The following COL14A1 variants were observed in gnomAD, a reference collection of about 807,000 sequenced individuals.
COL14A1 encodes the protein collagen alpha-1(XIV) chain.
Under a neutral mutation model 230.3 loss-of-function variants are expected in COL14A1, and 136 were observed. The observed-to-expected ratio is 0.59, with a 90% CI of 0.51 to 0.68. The LOEUF is 0.68. Among genes scored for constraint, COL14A1 ranks in the 30% least tolerant of loss-of-function variants. The pLI is 0.00. For synonymous variants in COL14A1, 792 were observed against 784.1 expected, an observed-to-expected ratio of 1.01 and a Z score of -0.17; for missense variants, 1,976 against 2,215.8, an observed-to-expected ratio of 0.89 and a Z score of 2.17.
intron 36 of COL14A1, among the ~76,000 whole-genome samples, chr8:120,302,381 A>G (rs1210464384): frequency 6.6e-6 from 1 of 152,084 alleles, no homozygotes; most frequent in African/African-American, 2.4e-5. Context: ...TGGATTTTAC[A>G]TTTAAGTCTT....
intron 6 of COL14A1, 107 bp downstream of exon 6, chr8:120,197,053 A>G (rs1817060874): frequency 8.4e-6 from 9 of 1,065,228 alleles, no homozygotes; most frequent in Non-Finnish European, 1.1e-5. Flanking sequence ...TCAGGATTGC[A>G]GGATACTCAT....
intron 8 of COL14A1, among the ~76,000 whole-genome samples, chr8:120,203,355 G>C (rs879803099): frequency 4.6e-3 from 155 of 33,678 alleles, no homozygotes; most frequent in Middle Eastern, 0.036. Flanking sequence ...GATGGGGGTG[G>C]GGGGGGGTCC....
Position 120,209,304 on chromosome 8 carries a change from T to A in COL14A1, c.1322-452T>A, listed in dbSNP as rs370589022. 3.4e-4 allele frequency among the ~76,000 whole-genome samples: 51 copies of A among 151,910 alleles called. No homozygotes were observed. The East Asian group carries it at 4.1e-3, about 12-fold the overall frequency. On this transcript the variant is annotated intron_variant, in intron 11 of 47. Coordinates refer to ENST00000297848, the MANE Select transcript of COL14A1 (RefSeq NM_021110.4). ...ATTGCTTGAGCCCGGGAGGTAGAGG[T>A]TGCAGCTAAGATTGCACCACTGCAC...
In COL14A1 at chr8:120,341,350, G is replaced by A. The variant is rs368279445; in HGVS notation, c.4811G>A (p.Arg1604Gln). The change falls in exon 43 of 48, where the codon CGA (arginine) becomes CAA (glutamine). Residue 1604 changes from arginine to glutamine, a missense_variant. Arg to Gln is a conservative substitution (Grantham distance 43). This residue lies in a region of COL14A1 where 1,791 missense variants were observed against 2,019.5 expected (regional missense o/e 0.89). Transcript: ENST00000297848. ...GGTGTCCCTGGAGCAAAGGGGGAACGAGGAGAGCGGGTAAGTATCCTGTGG... is the reference window on the plus strand; with the variant it reads ...GGTGTCCCTGGAGCAAAGGGGGAACAAGGAGAGCGGGTAAGTATCCTGTGG... ...PPGVPGAKGE[R>Q]GERGDLQSQA... 13 of 1,614,180 alleles carry A rather than the reference G, an allele frequency of 8.1e-6. No individual in the cohort carries two copies. Among genetic ancestry groups the A allele is most frequent in the Non-Finnish European group, 9.3e-6 (11 of 1,180,018 alleles).
At chr8:120,256,897 C>T (rs985881564) in intron 23 of COL14A1, among the ~76,000 whole-genome samples, 44 of 152,082 alleles carry the variant, frequency 2.9e-4, no homozygotes, top group African/African-American at 8.5e-4. Context: ...AATGAAGGAA[C>T]GTGGGTTCCT....
rs1161855452 is a variant in COL14A1, at chr8:120,195,482, A to G, written c.437-1309A>G. 4.6e-5 allele frequency among the ~76,000 whole-genome samples: 7 copies of G among 152,298 alleles called. No homozygotes were observed. In the East Asian group the frequency reaches 9.7e-4, roughly 21 times the overall value. On this transcript the variant is annotated intron_variant, in intron 5 of 47. Transcript: ENST00000297848. ...GAAGCACAGACCAGAGTTCGAAGCA[A>G]TGTTGCGATCGGTACTAAAAGTATT...
chr8:120,253,039 C>A (rs1819025948), intron 22 of COL14A1, among the ~76,000 whole-genome samples: 1 of 152,224 alleles, frequency 6.6e-6, no homozygotes, highest in Non-Finnish European at 1.5e-5. Context: ...GTTGATGTGA[C>A]ACTGTTGTGG....
At chr8:120,293,454 C>A (rs1356207287) in intron 34 of COL14A1, among the ~76,000 whole-genome samples, 1 of 132,352 alleles carries the variant, frequency 7.6e-6, no homozygotes, top group Non-Finnish European at 1.6e-5. Flanking sequence ...CTGCTAGGAG[C>A]TAGGCAGTGT....
In COL14A1 at chr8:120,332,221, C is replaced by T. The variant is rs933049571; in HGVS notation, c.4713+27C>T. 1.9e-6 allele frequency: 3 copies of T among 1,602,498 alleles called. No individual in the cohort carries two copies. The African/African-American group carries it at 4.0e-5, about 21-fold the overall frequency. ...TAAGCCTTTCCAGAAACTACTGGGA[C>T]ATACTCTGTTTTAAAGCACTTCATT... On this transcript the variant is annotated intron_variant, in intron 41 of 47. Coordinates refer to ENST00000297848, the MANE Select transcript of COL14A1 (RefSeq NM_021110.4).
At chr8:120,236,617 A>C (rs1818453173) in intron 19 of COL14A1, among the ~76,000 whole-genome samples, 1 of 152,160 alleles carries the variant, frequency 6.6e-6, no homozygotes, top group African/African-American at 2.4e-5. Flanking sequence ...GCCCATTTAC[A>C]TTTAAGGTTA....
Position 120,270,133 on chromosome 8 carries a change from A to T in COL14A1, c.3172A>T (p.Thr1058Ser). 6.2e-7 allele frequency: 1 copy of T among 1,611,480 alleles called. No homozygotes were observed. The highest frequency in any genetic ancestry group is 8.5e-7 in the Non-Finnish European group (1 of 1,178,308). ...TAAGATCATCAGCTTTCTATACAGC[A>T]CTGTTGGAGCCCTGAACAAGATTGG... ...FNKIISFLYS[T>S]VGALNKIGTD... The change falls in exon 26 of 48, where the codon ACT becomes TCT. Residue 1058 changes from threonine to serine, a missense_variant. Physicochemically the swap from Thr to Ser is moderately conservative, Grantham distance 58 (BLOSUM62 1). Around this residue, in one of 3 missense-constraint regions of COL14A1, gnomAD observed 1,791 missense variants for 2,019.5 expected, o/e 0.89. Transcript: ENST00000297848.
chr8:120,205,109 T>C (rs1330329650), intron 9 of COL14A1, among the ~76,000 whole-genome samples: 1 of 151,748 alleles, frequency 6.6e-6, no homozygotes, highest in Non-Finnish European at 1.5e-5. Flanking sequence ...ATTTTTTTTT[T>C]CTGTGTTGAT....
At chr8:120,309,181 C>T (rs562001879) in intron 36 of COL14A1, among the ~76,000 whole-genome samples, 12 of 152,286 alleles carry the variant, frequency 7.9e-5, no homozygotes, top group African/African-American at 2.6e-4. Context: ...GTGATCCACC[C>T]GCCTTGGCCT....
At chr8:120,164,206 G>A (rs4478617) in intron 4 of COL14A1, among the ~76,000 whole-genome samples, 92,255 of 151,988 alleles carry the variant, frequency 0.61, 31,417 homozygotes, top group Non-Finnish European at 0.75. Flanking sequence ...AGCTGCTCAG[G>A]GCCAGTCTTA....
chr8:120,188,270 C>T (rs532449156), intron 5 of COL14A1, among the ~76,000 whole-genome samples: 75 of 152,024 alleles, frequency 4.9e-4, no homozygotes, highest in Middle Eastern at 3.4e-3. Flanking sequence ...TTTGTAGAGA[C>T]GGGGTTTCAC....
intron 8 of COL14A1, among the ~76,000 whole-genome samples, chr8:120,201,149 CTATAG>C (rs1817236401): frequency 1.3e-5 from 2 of 151,806 alleles, no homozygotes; most frequent in Admixed American, 1.3e-4. Context: ...GTATATTATC[CTATAG>C]TAATGTAGCC....
At chr8:120,246,179 G>A (rs1187324463) in intron 20 of COL14A1, among the ~76,000 whole-genome samples, 2 of 152,112 alleles carry the variant, frequency 1.3e-5, no homozygotes, top group African/African-American at 4.8e-5. Context: ...TGGGCAAATA[G>A]GTATCATCTC....
intron 14 of COL14A1, among the ~76,000 whole-genome samples, chr8:120,222,738 C>CA (rs757168546): frequency 1.3e-5 from 2 of 151,508 alleles, no homozygotes; most frequent in African/African-American, 2.4e-5. Context: ...TTGGTGCCTT[C>CA]ATCTTCATTT....
At chr8:120,262,775 T>C (rs1200483611) in intron 23 of COL14A1, 93 bp from the exon 24 acceptor site, 6 of 1,240,554 alleles carry the variant, frequency 4.8e-6, no homozygotes, top group Non-Finnish European at 6.7e-6. Context: ...TGGGCTAACA[T>C]GTGAAGTATT....
Sources: allele counts gnomAD v4.1 joint callset (sites outside exome capture counted in the v4.1 genomes callset), GRCh38; gene constraint gnomAD v4.1.1; regional missense constraint gnomAD v4.1.1; transcripts MANE v1.5; gene names NCBI Gene and HGNC (gene_info 2026-07-23, HGNC 2026-07-21).